Variants in TEX14 observed in about 807,000 individuals in gnomAD.
TEX14 encodes inactive serine/threonine-protein kinase TEX14.
In TEX14, 168 loss-of-function variants were observed where a neutral mutation model predicts 178.6. The observed-to-expected ratio is 0.94, with a 90% confidence interval of 0.83 to 1.07. The LOEUF is 1.07. TEX14 is among the 50% of genes least tolerant of loss of function. The pLI is 0.00. For missense variants in TEX14, 1,730 were observed against 1,753.6 expected (o/e 0.99, Z 0.24); for synonymous variants, 626 against 634.1 (o/e 0.99, Z 0.19).
chr17:58,574,090 G>A (rs2044612078), intron 22 of TEX14, 97 bp downstream of exon 22: 6 of 1,003,626 alleles, frequency 6.0e-6, no homozygotes, highest in Admixed American at 3.8e-5. Context: ...AAGTCTACAC[G>A]TAAAAATGGA....
intron 26 of TEX14, among the ~76,000 whole-genome samples, chr17:58,568,527 G>C (rs1276187108): frequency 6.6e-6 from 1 of 152,220 alleles, no homozygotes; most frequent in African/African-American, 2.4e-5. Flanking sequence ...AGGGTGAAGG[G>C]CTGGTTGGCC....
At chr17:58,561,423 G>A in intron 29 of TEX14, 97 bp downstream of exon 29, 1 of 839,248 alleles carries the variant, frequency 1.2e-6, no homozygotes, top group Admixed American at 2.0e-5. Context: ...CTAAATCAAT[G>A]TAATGCCATC....
At chr17:58,592,081 A>T (rs2144438459) in intron 15 of TEX14, among the ~76,000 whole-genome samples, 1 of 151,424 alleles carries the variant, frequency 6.6e-6, no homozygotes, top group South Asian at 2.1e-4. Context: ...AAAAAGAAAG[A>T]AAAAAAAATT....
At chr17:58,560,000 G>A (rs140892959) in intron 29 of TEX14, among the ~76,000 whole-genome samples, 49 of 152,172 alleles carry the variant, frequency 3.2e-4, no homozygotes, top group African/African-American at 1.0e-3. Flanking sequence ...TTCATTTCCC[G>A]AAACTCTCTC....
At chr17:58,581,061 C>T (rs2144395683) in intron 19 of TEX14, among the ~76,000 whole-genome samples, 1 of 152,174 alleles carries the variant, frequency 6.6e-6, no homozygotes, top group East Asian at 1.9e-4. Context: ...GCCTGTAATC[C>T]CAGCATTTTG....
At chr17:58,603,554 T>TA (rs71143256) in intron 11 of TEX14, among the ~76,000 whole-genome samples, 23,516 of 71,586 alleles carry the variant, frequency 0.33, 3,501 homozygotes, top group Middle Eastern at 0.56. Flanking sequence ...GACTCCATCT[T>TA]AAAAAAAAAA....
chr17:58,620,695 A>G (rs959557555), intron 5 of TEX14, among the ~76,000 whole-genome samples: 1 of 152,028 alleles, frequency 6.6e-6, no homozygotes, highest in African/African-American at 2.4e-5. Context: ...GGGTTTCACC[A>G]TGTTGGCCAG....
chr17:58,651,901 C>T lies in TEX14; in HGVS notation c.101G>A (p.Gly34Glu), dbSNP rs1298774619. ...AATTTTCTTCACTTTCACATAGTTCCCTTGTTTGACATACTCATGAAGCTG... is the reference window on the plus strand; with the variant it reads ...AATTTTCTTCACTTTCACATAGTTCTCTTGTTTGACATACTCATGAAGCTG... ...EAQLHEYVKQ[G>E]NYVKVKKILK... is the part of the protein sequence containing the mutation. The change falls in exon 2 of 32, where the codon GGG (glycine) becomes GAG (glutamate). Residue 34 changes from glycine to glutamate, a missense_variant. Around this residue, in one of 2 missense-constraint regions of TEX14, gnomAD observed 789 missense variants for 681.2 expected, o/e 1.16. Coordinates refer to ENST00000349033, the MANE Select transcript of TEX14 (RefSeq NM_031272.5). The T allele has an allele frequency of 2.5e-6, 4 of 1,612,892 alleles. No individual in the cohort carries two copies. Among genetic ancestry groups the T allele is most frequent in the Non-Finnish European group, 2.5e-6 (3 of 1,179,708 alleles).
intron 23 of TEX14, 68 bp from the exon 24 acceptor site, chr17:58,572,194 C>G (rs2044548870): frequency 1.6e-6 from 2 of 1,275,494 alleles, no homozygotes; most frequent in Admixed American, 4.4e-5. Flanking sequence ...TCCTTTTTCC[C>G]TTTGTTTTTG....
At chr17:58,557,872 G>A (rs1173026205) in intron 30 of TEX14, 22 bp from the exon 31 acceptor site, 1 of 1,597,868 alleles carries the variant, frequency 6.3e-7, no homozygotes, top group Non-Finnish European at 8.6e-7. Flanking sequence ...ATAAGAGGAA[G>A]GAAAAAACAA....
chr17:58,636,825 A>C (rs2144597849), intron 2 of TEX14, among the ~76,000 whole-genome samples: 1 of 152,110 alleles, frequency 6.6e-6, no homozygotes, highest in African/African-American at 2.4e-5. Context: ...AGGCAGGAGA[A>C]TTTCTTGAAC....
At chr17:58,577,936 A>C (rs2044719163) in intron 20 of TEX14, among the ~76,000 whole-genome samples, 1 of 152,178 alleles carries the variant, frequency 6.6e-6, no homozygotes, top group Non-Finnish European at 1.5e-5. Context: ...GAGCTAATTC[A>C]ACTGTCTTCT....
chr17:58,564,533 T>C (rs2044356004), intron 28 of TEX14, among the ~76,000 whole-genome samples: 1 of 152,182 alleles, frequency 6.6e-6, no homozygotes, highest in East Asian at 1.9e-4. Flanking sequence ...ATGGGGAGTT[T>C]TAAAATGGGT....
chr17:58,659,040 G>A (rs1216953571), intron 1 of TEX14, among the ~76,000 whole-genome samples: 4 of 150,332 alleles, frequency 2.7e-5, no homozygotes, highest in Admixed American at 6.6e-5. Context: ...CTAAGAAGAC[G>A]TAAGGTCATA....
chr17:58,684,920 A>G, intron 1 of TEX14, among the ~76,000 whole-genome samples: 1 of 152,122 alleles, frequency 6.6e-6, no homozygotes, highest in East Asian at 1.9e-4. Context: ...AGGTTGCAGC[A>G]AGCAGAAATC....
intron 19 of TEX14, among the ~76,000 whole-genome samples, chr17:58,582,853 C>T (rs1217103592): frequency 4.0e-5 from 6 of 151,548 alleles, no homozygotes; most frequent in East Asian, 2.0e-4. Context: ...TGTGAGCCAC[C>T]GCGACCGGCC....
chr17:58,619,781 G>C (rs1005609554), intron 5 of TEX14, among the ~76,000 whole-genome samples: 8 of 133,958 alleles, frequency 6.0e-5, no homozygotes, highest in African/African-American at 2.2e-4. Flanking sequence ...CTGGGCGACA[G>C]AGAAGACTCA....
At chr17:58,573,769 T>A (rs1036987540) in intron 22 of TEX14, among the ~76,000 whole-genome samples, 2 of 152,274 alleles carry the variant, frequency 1.3e-5, no homozygotes, top group Non-Finnish European at 2.9e-5. Context: ...TCCGCCCACC[T>A]CAGCCTCCCA....
chr17:58,680,951 G>A (rs1170378048), intron 1 of TEX14, among the ~76,000 whole-genome samples: 1 of 152,038 alleles, frequency 6.6e-6, no homozygotes, highest in Non-Finnish European at 1.5e-5. Context: ...CAAGCTCACG[G>A]TTTTCCATCT....
Sources: gnomAD v4.1 joint callset for allele counts (sites outside exome capture counted in the v4.1 genomes callset) on GRCh38, gnomAD v4.1.1 for gene constraint, gnomAD v4.1.1 regional missense constraint, MANE v1.5 for transcripts, NCBI Gene and HGNC (gene_info 2026-07-23, HGNC 2026-07-21) for gene names.